RBM26: variants seen among roughly 807,000 people sequenced by gnomAD.
RBM26 encodes the protein RNA-binding protein 26.
A neutral mutation model predicts 123.6 loss-of-function variants in RBM26; 30 were observed. The observed-to-expected ratio is 0.24, with a 90% CI of 0.18 to 0.33. The LOEUF (loss-of-function observed/expected upper bound fraction) is 0.33. Ranked by LOEUF, RBM26 falls within the 10% of genes least tolerant of loss-of-function variation. RBM26 has a pLI of 1.00. For synonymous variants in RBM26, 400 were observed against 404.4 expected (o/e 0.99, Z 0.13); for missense variants, 947 against 1,203.6 (o/e 0.79, Z 3.15).
chr13:79,322,481 T>C lies in RBM26; in HGVS notation c.2821-19A>G, dbSNP rs769362016. 19 of 1,496,088 alleles carry C rather than the reference T, an allele frequency of 1.3e-5. No homozygotes were observed. The highest frequency in any genetic ancestry group is 4.4e-5 in the African/African-American group (3 of 68,492). 92.7% of individuals were successfully genotyped at this position (1,496,088 alleles called of 1,614,324 possible). ...CTGCAGCCTAAAATGATTAAAAATA[T>C]TGGAATATAAGACATTAAAAATTTC... On this transcript the variant is annotated intron_variant, in intron 20 of 21. Coordinates refer to ENST00000438737, the MANE Select transcript of RBM26 (RefSeq NM_001366735.2).
In RBM26 at chr13:79,342,830, A is replaced by G; in HGVS notation, c.2261T>C (p.Met754Thr). The G allele has an allele frequency of 6.3e-7, 1 of 1,575,210 alleles. No individual in the cohort carries two copies. Among genetic ancestry groups the G allele is most frequent in the Non-Finnish European group, 8.6e-7 (1 of 1,158,130 alleles). The change falls in exon 17 of 22, where the codon ATG (methionine) becomes ACG (threonine). Residue 754 changes from methionine (M) to threonine (T), a missense_variant and splice_region_variant. Coordinates refer to ENST00000438737, the MANE Select transcript of RBM26 (RefSeq NM_001366735.2). ...GTTTTTCTCCAGTTTTGAAATTAAC[A>G]TCTGCCAAATTTTTAAAAAGAGAAA... is the stretch of plus-strand genomic sequence containing the variant. ...ILEKHIETQK[M>T]LISKLEKNKT...
chr13:79,404,473 T>A (rs2079337529), intron 1 of RBM26, among the ~76,000 whole-genome samples: 1 of 152,176 alleles, frequency 6.6e-6, no homozygotes, highest in East Asian at 1.9e-4. Flanking sequence ...ATTAAATCAG[T>A]CCTTGTCTGC....
Position 79,354,511 on chromosome 13 carries a change from C to T in RBM26, c.1914G>A (p.Glu638=). 1.2e-6 allele frequency: 2 copies of T among 1,609,918 alleles called. No homozygotes were observed. Among genetic ancestry groups the T allele is most frequent in the Non-Finnish European group, 1.7e-6 (2 of 1,177,102 alleles). ...TACTTGAAGGTACTGGACCCAGCCG[C>T]TCTTTGACTGACTGCTTCACAACAG... is the stretch of plus-strand genomic sequence containing the variant. ...ILPVVKQSVK[E]RLGPVPSSTI... Residue 638 remains glutamate, a synonymous_variant, in exon 13 of 22, where the codon GAG becomes GAA. Coordinates refer to ENST00000438737, the MANE Select transcript of RBM26 (RefSeq NM_001366735.2).
intron 1 of RBM26, among the ~76,000 whole-genome samples, chr13:79,381,913 T>C (rs901485263): frequency 4.6e-5 from 7 of 152,120 alleles, no homozygotes; most frequent in African/African-American, 7.2e-5. Flanking sequence ...TCAAATTATA[T>C]AGAAGCAGGG....
chr13:79,388,199 A>T (rs1594650368), intron 1 of RBM26, among the ~76,000 whole-genome samples: 1 of 152,162 alleles, frequency 6.6e-6, no homozygotes, highest in African/African-American at 2.4e-5. Flanking sequence ...GGGTTCAAGC[A>T]ATTCTCCTGC....
chr13:79,372,202 C>G (rs569584668), intron 3 of RBM26, among the ~76,000 whole-genome samples: 1 of 152,280 alleles, frequency 6.6e-6, no homozygotes, highest in Admixed American at 6.5e-5. Flanking sequence ...TCGCTTGAAC[C>G]TGGCAGGCAG....
chr13:79,344,982 C>G, intron 14 of RBM26, among the ~76,000 whole-genome samples, 188 bp from the exon 15 acceptor site: 1 of 150,924 alleles, frequency 6.6e-6, no homozygotes, highest in East Asian at 1.9e-4. Flanking sequence ...AAATAATAAG[C>G]TCTAAAATTT....
At position 79,370,992 on chromosome 13, in the gene RBM26, T is replaced by C; in HGVS notation, c.587A>G (p.Asp196Gly). The C allele has an allele frequency of 6.3e-7, 1 of 1,591,918 alleles. No homozygotes were observed. The highest frequency in any genetic ancestry group is 2.2e-5 in the East Asian group (1 of 44,766). Residue 196 changes from aspartate to glycine, a missense_variant, in exon 5 of 22, where the codon GAC (aspartate) becomes GGC (glycine). Asp to Gly is a moderately conservative substitution (Grantham distance 94). This residue lies in a region of RBM26 where 275 missense variants were observed against 361.0 expected (regional missense o/e 0.76). Coordinates refer to ENST00000438737, the MANE Select transcript of RBM26 (RefSeq NM_001366735.2). Reference sequence around the variant, plus strand: ...GCTTCTAGTCCTGCTTCTATCTCTGTCCCTCTCACGAAGCCTCTCTTTACT... The same window carrying C: ...GCTTCTAGTCCTGCTTCTATCTCTGCCCCTCTCACGAAGCCTCTCTTTACT... ...SWSKERLRER[D>G]RDRSRTRSRS...
At chr13:79,389,069 T>C (rs1287204882) in intron 1 of RBM26, among the ~76,000 whole-genome samples, 1 of 152,148 alleles carries the variant, frequency 6.6e-6, no homozygotes, top group Non-Finnish European at 1.5e-5. Flanking sequence ...AACTTTTAAA[T>C]TGCCTGTAAA....
chr13:79,351,719 T>C (rs376142261), intron 14 of RBM26, among the ~76,000 whole-genome samples: 1 of 152,094 alleles, frequency 6.6e-6, no homozygotes, highest in Admixed American at 6.5e-5. Context: ...GTAAAAAGAC[T>C]AGAGCAGAAG....
Position 79,320,510 on chromosome 13 carries a change from C to G in RBM26, c.*111G>C, listed in dbSNP as rs1407397587. ...TTTTTTGTCTATTTGTGAAATCCAT[C>G]TTCATCACATTTTACCAAAAATTGT... On this transcript the variant is annotated 3_prime_UTR_variant, in exon 22 of 22. Coordinates refer to ENST00000438737, the MANE Select transcript of RBM26 (RefSeq NM_001366735.2). 1 of 1,265,740 alleles carries G rather than the reference C, an allele frequency of 7.9e-7. No individual in the cohort carries two copies. Among genetic ancestry groups the G allele is most frequent in the Non-Finnish European group, 1.0e-6 (1 of 998,584 alleles). 78.4% of individuals were successfully genotyped at this position (1,265,740 alleles called of 1,614,324 possible).
chr13:79,399,328 TA>T (rs1025571132), intron 1 of RBM26, among the ~76,000 whole-genome samples: 1 of 152,230 alleles, frequency 6.6e-6, no homozygotes, highest in African/African-American at 2.4e-5. Flanking sequence ...TTCATCTTCC[TA>T]ACACCTATCT....
chr13:79,336,227 T>A lies in RBM26; in HGVS notation c.2733+875A>T, dbSNP rs559136592. 5.0e-4 allele frequency among the ~76,000 whole-genome samples: 76 copies of A among 152,280 alleles called. No homozygotes were observed. The South Asian group carries it at 0.015, about 31-fold the overall frequency. ...TACTACTTTATGAAACTTTCCTCTA[T>A]TGTTCTTTTTTCCATCATATGCCAG... On this transcript the variant is annotated intron_variant, in intron 19 of 21. Coordinates refer to ENST00000438737, the MANE Select transcript of RBM26 (RefSeq NM_001366735.2).
chr13:79,383,249 T>C (rs2077211709), intron 1 of RBM26, among the ~76,000 whole-genome samples: 1 of 152,186 alleles, frequency 6.6e-6, no homozygotes, highest in African/African-American at 2.4e-5. Context: ...AGTAAAATCA[T>C]TAGGTTTAAA....
chr13:79,338,297 G>T (rs984909573), intron 18 of RBM26, among the ~76,000 whole-genome samples: 8 of 152,154 alleles, frequency 5.3e-5, no homozygotes, highest in African/African-American at 1.4e-4. Context: ...GATTCGAAAA[G>T]AACTTCAAAG....
chr13:79,363,458 T>C (rs1229815839), intron 9 of RBM26, among the ~76,000 whole-genome samples: 1 of 152,108 alleles, frequency 6.6e-6, no homozygotes, highest in Non-Finnish European at 1.5e-5. Flanking sequence ...TCAATTTGGA[T>C]GGGTTGCTAA....
chr13:79,365,531 C>A, intron 9 of RBM26, 47 bp downstream of exon 9: 1 of 1,469,844 alleles, frequency 6.8e-7, no homozygotes, highest in Non-Finnish European at 9.4e-7. Flanking sequence ...TGTTTTCCCA[C>A]TGTTTATATT....
intron 1 of RBM26, among the ~76,000 whole-genome samples, chr13:79,392,740 G>T (rs559382312): frequency 4.0e-5 from 6 of 149,642 alleles, no homozygotes; most frequent in African/African-American, 1.2e-4. Context: ...GAAACAAGCC[G>T]CTTTAACTAC....
chr13:79,350,357 A>G (rs1431056247), intron 14 of RBM26, among the ~76,000 whole-genome samples: 1 of 152,200 alleles, frequency 6.6e-6, no homozygotes, highest in Non-Finnish European at 1.5e-5. Flanking sequence ...GAAGGGATTC[A>G]GCAAGATAAT....
Sources: allele counts gnomAD v4.1 joint callset (sites outside exome capture counted in the v4.1 genomes callset), GRCh38; gene constraint gnomAD v4.1.1; regional missense constraint gnomAD v4.1.1; transcripts MANE v1.5; gene names NCBI Gene and HGNC (gene_info 2026-07-23, HGNC 2026-07-21).